The following CHSY3 variants were observed in gnomAD, a reference collection of about 807,000 sequenced individuals.
CHSY3 encodes the protein N-acetylgalactosaminyl-proteoglycan 3-beta-glucuronosyltransferase 3.
A neutral mutation model predicts 67.2 loss-of-function variants in CHSY3; 35 were observed. The observed-to-expected ratio is 0.52, with a 90% CI of 0.40 to 0.69. The LOEUF (loss-of-function observed/expected upper bound fraction) is 0.69, where lower values mean the gene tolerates loss of function less well. Ranked by LOEUF, CHSY3 falls within the 30% of genes least tolerant of loss-of-function variation. The pLI is 0.00. For synonymous variants in CHSY3, 474 were observed against 434.7 expected (o/e 1.09, Z -1.12); for missense variants, 1,069 against 1,138.5 (o/e 0.94, Z 0.88).
intron 2 of CHSY3, among the ~76,000 whole-genome samples, chr5:130,056,144 C>A (rs1765525107): frequency 6.6e-6 from 1 of 152,100 alleles, no homozygotes; most frequent in Non-Finnish European, 1.5e-5. Flanking sequence ...ATCCTAACTT[C>A]TCCAGGTTGG....
chr5:130,015,557 G>A (rs1314438238), intron 2 of CHSY3, among the ~76,000 whole-genome samples: 1 of 152,192 alleles, frequency 6.6e-6, no homozygotes, highest in Non-Finnish European at 1.5e-5. Context: ...ACATGAGTCA[G>A]AATGCCTATT....
chr5:129,965,591 G>T (rs1164878505), intron 2 of CHSY3, among the ~76,000 whole-genome samples: 1 of 151,850 alleles, frequency 6.6e-6, no homozygotes, highest in East Asian at 1.9e-4. Flanking sequence ...AGTCATTAAA[G>T]AAAGGTTTTC....
At chr5:130,000,885 C>CT (rs545172978) in intron 2 of CHSY3, among the ~76,000 whole-genome samples, 209 of 124,656 alleles carry the variant, frequency 1.7e-3, no homozygotes, top group Middle Eastern at 4.9e-3. Flanking sequence ...AGCCTGTCTT[C>CT]TTTTTTTTTT....
intron 2 of CHSY3, among the ~76,000 whole-genome samples, chr5:129,945,995 A>C (rs917169849): frequency 6.6e-6 from 1 of 152,192 alleles, no homozygotes; most frequent in Non-Finnish European, 1.5e-5. Context: ...TTCCAACCAC[A>C]AAACTTATTT....
intron 2 of CHSY3, among the ~76,000 whole-genome samples, chr5:130,154,296 C>T (rs1263099824): frequency 6.6e-6 from 1 of 152,186 alleles, no homozygotes; most frequent in African/African-American, 2.4e-5. Context: ...CTTCCTTTAA[C>T]ATAAGACAAA....
intron 2 of CHSY3, among the ~76,000 whole-genome samples, chr5:130,170,948 C>T (rs1350567872): frequency 6.6e-6 from 1 of 151,860 alleles, no homozygotes; most frequent in Non-Finnish European, 1.5e-5. Flanking sequence ...TAGTTATGCT[C>T]TGAACCCATC....
chr5:130,041,920 T>G (rs1370885269), intron 2 of CHSY3, among the ~76,000 whole-genome samples: 1 of 152,080 alleles, frequency 6.6e-6, no homozygotes, highest in Non-Finnish European at 1.5e-5. Context: ...ATAAAAGCTT[T>G]CTACATAATT....
At chr5:130,088,615 G>GA in intron 2 of CHSY3, among the ~76,000 whole-genome samples, 1 of 152,180 alleles carries the variant, frequency 6.6e-6, no homozygotes. Flanking sequence ...AAAAACACAT[G>GA]AAAAAATGCT....
chr5:130,011,652 G>A (rs548883743), intron 2 of CHSY3, among the ~76,000 whole-genome samples: 56 of 152,152 alleles, frequency 3.7e-4, no homozygotes, highest in Non-Finnish European at 7.1e-4. Flanking sequence ...GAAATAAAAG[G>A]CATCCAAATA....
chr5:130,058,148 T>C (rs1156598685), intron 2 of CHSY3, among the ~76,000 whole-genome samples: 1 of 152,222 alleles, frequency 6.6e-6, no homozygotes, highest in Non-Finnish European at 1.5e-5. Context: ...ATTTTCTTCT[T>C]TCTGTATTGT....
At chr5:129,930,195 T>A (rs1424369334) in intron 2 of CHSY3, among the ~76,000 whole-genome samples, 1 of 151,886 alleles carries the variant, frequency 6.6e-6, no homozygotes, top group African/African-American at 2.4e-5. Flanking sequence ...TAGCCAGACA[T>A]GGTGGCTCAT....
intron 2 of CHSY3, among the ~76,000 whole-genome samples, chr5:130,084,052 T>C (rs1185947756): frequency 2.0e-5 from 3 of 152,010 alleles, no homozygotes; most frequent in African/African-American, 7.2e-5. Flanking sequence ...GTTAAACCAT[T>C]TAATGTAATT....
At chr5:130,016,073 G>A (rs141400255) in intron 2 of CHSY3, among the ~76,000 whole-genome samples, 2 of 152,272 alleles carry the variant, frequency 1.3e-5, no homozygotes, top group Non-Finnish European at 2.9e-5. Flanking sequence ...TTGACAACCT[G>A]AGCCTACTTG....
Position 129,919,036 on chromosome 5 carries a change from G to A in CHSY3, c.1086+10676G>A, listed in dbSNP as rs377367508. ...GCAGGAGAATGGCGTGAACCCGGGA[G>A]GCGGAGCTTGCCGTGAGCCGAGATT... On this transcript the variant is annotated intron_variant, in intron 2 of 2. Coordinates refer to ENST00000305031, the MANE Select transcript of CHSY3 (RefSeq NM_175856.5). Among the ~76,000 whole-genome samples, 1,324 of 145,200 alleles carry A rather than the reference G, an allele frequency of 9.1e-3. 14 individuals are homozygous for A. The highest frequency in any genetic ancestry group is 0.032 in the African/African-American group (1,231 of 38,582).
chr5:130,154,757 T>C lies in CHSY3; in HGVS notation c.1087-29472T>C, dbSNP rs114530603. On this transcript the variant is annotated intron_variant, in intron 2 of 2. Transcript: ENST00000305031. ...AATTCTTTTCTATTCAATATTATAT[T>C]GTAAGAGGAGAAATTAATGTTATTG... Among the ~76,000 whole-genome samples the C allele has an allele frequency of 3.0e-3, 458 of 152,292 alleles. 1 individual carries two copies. Among genetic ancestry groups the C allele is most frequent in the African/African-American group, 0.011 (438 of 41,560 alleles).
chr5:130,056,574 C>G (rs745630577), intron 2 of CHSY3, among the ~76,000 whole-genome samples: 30 of 152,146 alleles, frequency 2.0e-4, no homozygotes, highest in Non-Finnish European at 3.7e-4. Context: ...TGTTTTACAG[C>G]TTGTTTTCAT....
At chr5:130,157,371 G>T (rs1489385113) in intron 2 of CHSY3, among the ~76,000 whole-genome samples, 1 of 152,176 alleles carries the variant, frequency 6.6e-6, no homozygotes, top group Non-Finnish European at 1.5e-5. Context: ...CATATTTAAA[G>T]GAGAGAGACT....
chr5:130,150,519 G>C (rs12516594), intron 2 of CHSY3, among the ~76,000 whole-genome samples: 21,413 of 151,988 alleles, frequency 0.14, 2,817 homozygotes, highest in East Asian at 0.32. Flanking sequence ...ATAAGTAGAG[G>C]TGTGTTCAAC....
At chr5:129,954,623 G>T (rs7732906) in intron 2 of CHSY3, among the ~76,000 whole-genome samples, 1 of 152,042 alleles carries the variant, frequency 6.6e-6, no homozygotes, top group African/African-American at 2.4e-5. Flanking sequence ...AGCATGGAGT[G>T]TTTTTCCATT....
Sources: allele counts gnomAD v4.1 joint callset (sites outside exome capture counted in the v4.1 genomes callset), GRCh38; gene constraint gnomAD v4.1.1; transcripts MANE v1.5; gene names NCBI Gene and HGNC (gene_info 2026-07-23, HGNC 2026-07-21).